Variants in KCNN2 observed in about 807,000 individuals in gnomAD.
KCNN2 encodes the protein potassium calcium-activated channel subfamily N member 2.
A neutral mutation model predicts 55.5 loss-of-function variants in KCNN2; 24 were observed. The ratio of observed to expected loss-of-function variants is 0.43; its 90% CI spans 0.31 to 0.61. The LOEUF (loss-of-function observed/expected upper bound fraction) is 0.61, where lower values mean the gene tolerates loss of function less well. Ranked by LOEUF, KCNN2 falls within the 20% of genes least tolerant of loss-of-function variation. The probability of loss-of-function intolerance (pLI) is 0.08; values close to 1 mark genes in which losing one functional copy is unlikely to be tolerated. For missense variants in KCNN2, 754 were observed against 853.6 expected (o/e 0.88, Z 1.45); for synonymous variants, 431 against 336.1 (o/e 1.28, Z -3.09).
At chr5:114,287,522 C>T (rs1173770251) in intron 2 of KCNN2, among the ~76,000 whole-genome samples, 2 of 151,774 alleles carry the variant, frequency 1.3e-5, no homozygotes, top group African/African-American at 4.8e-5. Flanking sequence ...ATCACATGTT[C>T]TCACTGGTAA....
At chr5:114,188,058 C>A (rs1313655009) in intron 1 of KCNN2, among the ~76,000 whole-genome samples, 1 of 152,116 alleles carries the variant, frequency 6.6e-6, no homozygotes, top group Non-Finnish European at 1.5e-5. Flanking sequence ...GGTGGTCCAC[C>A]CACCTCGGCC....
rs77336332 is a variant in KCNN2 at position 114,284,598 on chromosome 5, A to G, written c.-185+63033A>G. ...AGTGGCACAGTCTTGGCTCACTGCA[A>G]TCTTTGACTCCGTGGTTCAAGTGAT... On this transcript the variant is annotated intron_variant, in intron 2 of 10. Coordinates refer to the KCNN2 transcript ENST00000512097. Among the ~76,000 whole-genome samples, 238 of 152,208 alleles carry G rather than the reference A, an allele frequency of 1.6e-3. 1 individual carries two copies. Among genetic ancestry groups the G allele is most frequent in the African/African-American group, 5.4e-3 (226 of 41,562 alleles).
chr5:114,419,131 G>A (rs552931914), intron 3 of KCNN2, among the ~76,000 whole-genome samples: 1 of 152,206 alleles, frequency 6.6e-6, no homozygotes, highest in East Asian at 1.9e-4. Flanking sequence ...ATAGCAGCAA[G>A]GATTAAGAAA....
At chr5:114,091,282 G>T (rs547830091) in intron 1 of KCNN2, among the ~76,000 whole-genome samples, 2 of 152,086 alleles carry the variant, frequency 1.3e-5, no homozygotes, top group Non-Finnish European at 2.9e-5. Context: ...ATTCTGTTTG[G>T]CTCTATGAGA....
chr5:114,102,886 G>C (rs1251353767), intron 1 of KCNN2, among the ~76,000 whole-genome samples: 1 of 152,096 alleles, frequency 6.6e-6, no homozygotes, highest in African/African-American at 2.4e-5. Context: ...CTCCAGCTTT[G>C]TTCTTTTTGC....
At chr5:114,218,431 C>T (rs1402086765) in intron 1 of KCNN2, among the ~76,000 whole-genome samples, 1 of 152,136 alleles carries the variant, frequency 6.6e-6, no homozygotes, top group Non-Finnish European at 1.5e-5. Flanking sequence ...GCTATCAAGC[C>T]ATGAAAGGAG....
chr5:114,130,720 T>C (rs1158890577), intron 1 of KCNN2, among the ~76,000 whole-genome samples: 2 of 152,188 alleles, frequency 1.3e-5, no homozygotes, highest in African/African-American at 4.8e-5. Flanking sequence ...TTCATAATTT[T>C]TTTTCCTCTT....
chr5:114,158,329 T>A (rs1752686324), intron 1 of KCNN2, among the ~76,000 whole-genome samples: 1 of 152,318 alleles, frequency 6.6e-6, no homozygotes, highest in Middle Eastern at 3.4e-3. Flanking sequence ...GCGGCATTAT[T>A]TCTGAGGGCT....
At chr5:114,071,220 C>T (rs544322695) in intron 1 of KCNN2, among the ~76,000 whole-genome samples, 5 of 152,162 alleles carry the variant, frequency 3.3e-5, no homozygotes, top group Non-Finnish European at 4.4e-5. Flanking sequence ...GCAATAATGC[C>T]GGAGGTGTGG....
At chr5:114,159,907 A>G (rs1752728201) in intron 1 of KCNN2, among the ~76,000 whole-genome samples, 1 of 152,072 alleles carries the variant, frequency 6.6e-6, no homozygotes, top group East Asian at 1.9e-4. Context: ...CTTCTTTATT[A>G]GTCTTGCTAG....
At chr5:114,071,966 G>A (rs1580483853) in intron 1 of KCNN2, among the ~76,000 whole-genome samples, 1 of 152,100 alleles carries the variant, frequency 6.6e-6, no homozygotes, top group East Asian at 1.9e-4. Flanking sequence ...TTGTGGGAGT[G>A]GATTAGTTAT....
chr5:114,272,571 C>G (rs946108159), intron 2 of KCNN2, among the ~76,000 whole-genome samples: 1 of 152,062 alleles, frequency 6.6e-6, no homozygotes, highest in African/African-American at 2.4e-5. Flanking sequence ...ACTAAATGCT[C>G]TATAAACTCC....
At chr5:114,192,316 T>C (rs2112564024) in intron 1 of KCNN2, among the ~76,000 whole-genome samples, 1 of 152,294 alleles carries the variant, frequency 6.6e-6, no homozygotes, top group Middle Eastern at 3.4e-3. Flanking sequence ...GTTTTACTTC[T>C]CCAAATGATA....
At chr5:114,057,697 T>C (rs1477330634) in intron 1 of KCNN2, among the ~76,000 whole-genome samples, 2 of 151,990 alleles carry the variant, frequency 1.3e-5, no homozygotes, top group East Asian at 3.9e-4. Context: ...GTTACCTTCA[T>C]ATGGTGAGTG....
At chr5:114,455,560 A>G (rs549866522) in intron 3 of KCNN2, among the ~76,000 whole-genome samples, 184 of 152,348 alleles carry the variant, frequency 1.2e-3, no homozygotes, top group African/African-American at 4.2e-3. Flanking sequence ...TCACGTGACA[A>G]GAAGGATTGC....
intron 2 of KCNN2, among the ~76,000 whole-genome samples, chr5:114,260,681 G>A (rs1007117324): frequency 3.9e-5 from 6 of 152,252 alleles, no homozygotes; most frequent in South Asian, 4.1e-4. Flanking sequence ...ACTCTGTTTT[G>A]GTTCCTTTAG....
chr5:114,264,326 C>T (rs1755167293), intron 2 of KCNN2, among the ~76,000 whole-genome samples: 2 of 152,090 alleles, frequency 1.3e-5, no homozygotes, highest in South Asian at 4.1e-4. Context: ...TCCATAATTC[C>T]AGTATTTCCT....
chr5:114,290,762 C>A (rs1755870448), intron 2 of KCNN2, among the ~76,000 whole-genome samples: 1 of 152,124 alleles, frequency 6.6e-6, no homozygotes, highest in African/African-American at 2.4e-5. Flanking sequence ...TTACTGTATT[C>A]CCTAAGTTTC....
chr5:114,096,365 C>T (rs2112562668), intron 1 of KCNN2, among the ~76,000 whole-genome samples: 1 of 152,266 alleles, frequency 6.6e-6, no homozygotes, highest in Middle Eastern at 3.4e-3. Flanking sequence ...GACCATGCTA[C>T]ACTGGATCCC....
Sources: gnomAD v4.1 joint callset for allele counts (sites outside exome capture counted in the v4.1 genomes callset) on GRCh38, gnomAD v4.1.1 for gene constraint, MANE v1.5 for transcripts, NCBI Gene and HGNC (gene_info 2026-07-23, HGNC 2026-07-21) for gene names.